Variants in CDKAL1 observed in about 807,000 individuals in gnomAD.
CDKAL1 encodes threonylcarbamoyladenosine tRNA methylthiotransferase.
Under a neutral mutation model 68.2 loss-of-function variants are expected in CDKAL1, and 32 were observed. The ratio of observed to expected loss-of-function variants is 0.47; its 90% CI spans 0.35 to 0.63. CDKAL1 has a LOEUF of 0.63. CDKAL1 is among the 30% of genes least tolerant of loss of function. CDKAL1 has a pLI of 0.00. For missense variants in CDKAL1, 606 were observed against 696.7 expected, an observed-to-expected ratio of 0.87 and a Z score of 1.47; for synonymous variants, 234 against 244.3, an observed-to-expected ratio of 0.96 and a Z score of 0.39.
chr6:20,965,647 T>C (rs1765271649), intron 10 of CDKAL1, among the ~76,000 whole-genome samples: 1 of 152,218 alleles, frequency 6.6e-6, no homozygotes, highest in African/African-American at 2.4e-5. Flanking sequence ...CTTCCGTTTA[T>C]ATAGAAGAGC....
chr6:21,084,827 A>T (rs1056700160), intron 12 of CDKAL1, among the ~76,000 whole-genome samples: 2 of 152,196 alleles, frequency 1.3e-5, no homozygotes, highest in African/African-American at 4.8e-5. Context: ...TATATGATGC[A>T]GTAGTTGATG....
chr6:21,043,103 A>G (rs1260304912), intron 11 of CDKAL1, among the ~76,000 whole-genome samples: 4 of 152,190 alleles, frequency 2.6e-5, no homozygotes, highest in Non-Finnish European at 5.9e-5. Context: ...TACCAGTTCT[A>G]CTGCTACTGC....
At chr6:20,680,018 C>T (rs1354428510) in intron 5 of CDKAL1, among the ~76,000 whole-genome samples, 1 of 150,562 alleles carries the variant, frequency 6.6e-6, no homozygotes, top group Non-Finnish European at 1.5e-5. Flanking sequence ...TTATTTTTTT[C>T]TTTTTTGCTT....
At position 20,786,494 on chromosome 6, in the gene CDKAL1, C is replaced by CTTTTTTT. The variant is rs1197574844; in HGVS notation, c.638+5244_638+5250dup. ...GTGTGACTCCCTTATTTTTTCTTAT[C>CTTTTTTT]TTTTTTTTTTTTTTTTTTTTTGAGA... On this transcript the variant is annotated intron_variant, in intron 8 of 15. Transcript: ENST00000274695. Among the ~76,000 whole-genome samples the CTTTTTTT allele has an allele frequency of 3.5e-3, 279 of 80,762 alleles. 11 individuals are homozygous for CTTTTTTT. The highest frequency in any genetic ancestry group is 0.012 in the African/African-American group (248 of 20,082). The allele number at this position is 80,762 out of a possible 152,430, so 53.0% of individuals were successfully genotyped here. A position where few individuals can be genotyped will look rare whatever the true frequency, so the allele number is the denominator to read the frequency against.
chr6:20,784,074 G>A (rs556558315), intron 8 of CDKAL1, among the ~76,000 whole-genome samples: 5 of 152,082 alleles, frequency 3.3e-5, no homozygotes, highest in South Asian at 2.1e-4. Flanking sequence ...TTAGCTGGGC[G>A]TGGCGGCGCG....
At chr6:21,161,318 C>T (rs978972031) in intron 13 of CDKAL1, among the ~76,000 whole-genome samples, 4 of 152,136 alleles carry the variant, frequency 2.6e-5, no homozygotes, top group Non-Finnish European at 5.9e-5. Flanking sequence ...AGCACCAGAT[C>T]AGTAAACACC....
At chr6:20,709,066 C>CT (rs1293928307) in intron 5 of CDKAL1, among the ~76,000 whole-genome samples, 1 of 151,626 alleles carries the variant, frequency 6.6e-6, no homozygotes, top group African/African-American at 2.4e-5. Flanking sequence ...CAGGGGTTCT[C>CT]TTTTTTTTAC....
intron 10 of CDKAL1, among the ~76,000 whole-genome samples, chr6:20,981,712 G>T (rs189947416): frequency 5.9e-5 from 9 of 152,286 alleles, no homozygotes; most frequent in Admixed American, 5.2e-4. Flanking sequence ...GTGGTGGCAG[G>T]TGCCTATAAT....
chr6:20,642,899 AAACAACAACAACAACAACAACAACAAC>A (rs79933332), intron 4 of CDKAL1, among the ~76,000 whole-genome samples: 3 of 150,316 alleles, frequency 2.0e-5, no homozygotes, highest in Admixed American at 6.6e-5. Context: ...ACTTTGTCTC[AAACAACAACAACAACAACAACAACAAC>A]AACAACAACA....
At position 21,073,847 on chromosome 6, in the gene CDKAL1, T is replaced by G. The variant is rs184486246; in HGVS notation, c.1236+8619T>G. Among the ~76,000 whole-genome samples the G allele has an allele frequency of 8.6e-5, 12 of 139,022 alleles. No individual in the cohort carries two copies. In the East Asian group the frequency reaches 2.6e-3, roughly 31 times the overall value. The allele number at this position is 139,022 out of a possible 152,430, so 91.2% of individuals were successfully genotyped here. ...ACTAATTTTTGTTTATTTATTTTGT[T>G]TATTATTTTGTTTATTTAGCACTTG... On this transcript the variant is annotated intron_variant, in intron 12 of 15. Transcript: ENST00000274695.
At chr6:20,692,124 A>G (rs1013759395) in intron 5 of CDKAL1, among the ~76,000 whole-genome samples, 2 of 152,300 alleles carry the variant, frequency 1.3e-5, no homozygotes, top group African/African-American at 4.8e-5. Context: ...ATTACTATCT[A>G]CCAATTGGAG....
At chr6:20,621,910 A>G (rs1396419335) in intron 4 of CDKAL1, among the ~76,000 whole-genome samples, 4 of 151,928 alleles carry the variant, frequency 2.6e-5, no homozygotes, top group African/African-American at 9.7e-5. Flanking sequence ...TTAGAAACCA[A>G]CATCTGGTGC....
At chr6:20,587,285 C>A (rs1259446991) in intron 4 of CDKAL1, among the ~76,000 whole-genome samples, 2 of 152,046 alleles carry the variant, frequency 1.3e-5, no homozygotes, top group African/African-American at 4.8e-5. Flanking sequence ...CCACGCCTGG[C>A]CTCCTTCTTT....
At chr6:21,222,610 G>C (rs1450352343) in intron 15 of CDKAL1, among the ~76,000 whole-genome samples, 1 of 152,134 alleles carries the variant, frequency 6.6e-6, no homozygotes, top group Non-Finnish European at 1.5e-5. Context: ...TCCCAATTTG[G>C]GGAATGTCTA....
chr6:20,862,670 T>C (rs1581720069), intron 9 of CDKAL1, among the ~76,000 whole-genome samples: 1 of 144,014 alleles, frequency 6.9e-6, no homozygotes, highest in Non-Finnish European at 1.5e-5. Context: ...TGTGCGCGCG[T>C]GCATGCGCGC....
At chr6:20,709,758 A>T (rs1176502086) in intron 5 of CDKAL1, among the ~76,000 whole-genome samples, 1 of 152,172 alleles carries the variant, frequency 6.6e-6, no homozygotes, top group Non-Finnish European at 1.5e-5. Flanking sequence ...TCTTGGCTTC[A>T]TCCTTCAAGC....
At position 20,986,426 on chromosome 6, in the gene CDKAL1, T is replaced by C. The variant is rs376199358; in HGVS notation, c.910-13801T>C. 9.2e-5 allele frequency among the ~76,000 whole-genome samples: 14 copies of C among 152,296 alleles called. No individual in the cohort carries two copies. The East Asian group carries it at 1.9e-3, about 21-fold the overall frequency. On this transcript the variant is annotated intron_variant, in intron 10 of 15. Transcript: ENST00000274695. ...TTCTATTTTTCTCAATTTTTCAAAA[T>C]TTAAAGAAACATGCATTGCTTTTAA...
At chr6:20,867,177 C>T (rs1759953697) in intron 9 of CDKAL1, among the ~76,000 whole-genome samples, 1 of 152,086 alleles carries the variant, frequency 6.6e-6, no homozygotes, top group Admixed American at 6.6e-5. Context: ...GCCAGCATCT[C>T]GGCATTTGTA....
At chr6:20,890,710 TGTCATACCATTA>T (rs892461594) in intron 9 of CDKAL1, among the ~76,000 whole-genome samples, 2 of 152,216 alleles carry the variant, frequency 1.3e-5, no homozygotes, top group Admixed American at 1.3e-4. Flanking sequence ...TCTAAGATGC[TGTCATACCATTA>T]GTCTTTTTAA....
Sources: allele counts gnomAD v4.1 joint callset (sites outside exome capture counted in the v4.1 genomes callset), GRCh38; gene constraint gnomAD v4.1.1; transcripts MANE v1.5; gene names NCBI Gene and HGNC (gene_info 2026-07-23, HGNC 2026-07-21).